Variants in KTN1 observed in about 807,000 individuals in gnomAD.
KTN1 encodes kinectin 1, also known as kinectin.
A neutral mutation model predicts 222.5 loss-of-function variants in KTN1; 130 were observed. The ratio of observed to expected loss-of-function variants is 0.58; its 90% CI spans 0.51 to 0.68. The LOEUF is 0.68. Ranked by LOEUF, KTN1 falls within the 30% of genes least tolerant of loss-of-function variation. The pLI is 0.00. For synonymous variants in KTN1, 512 were observed against 496.3 expected (o/e 1.03, Z -0.42); for missense variants, 1,508 against 1,500.4 (o/e 1.01, Z -0.08).
intron 1 of KTN1, among the ~76,000 whole-genome samples, chr14:55,601,600 A>AT (rs2035978071): frequency 6.6e-6 from 1 of 152,030 alleles, no homozygotes; most frequent in African/African-American, 2.4e-5. Context: ...TTCTCATTGA[A>AT]TTTTTTGTTT....
At position 55,673,205 on chromosome 14, in the gene KTN1, C is replaced by G. The variant is rs2045599221; in HGVS notation, c.3721C>G (p.Leu1241Val). ...TCTGTTGACTGAATTGCAGAAAAAA[C>G]TTGATGATTCATATTCTGAAGCAGT... The part of the protein sequence containing the change: ...KDLLTELQKK[L>V]DDSYSEAVRQ... Residue 1241 changes from leucine to valine, a missense_variant, in exon 40 of 44, where the codon CTT becomes GTT. Physicochemically the swap from Leu to Val is conservative, Grantham distance 32. Transcript: ENST00000395314. 6.2e-7 allele frequency: 1 copy of G among 1,613,124 alleles called. No individual in the cohort carries two copies. Among genetic ancestry groups the G allele is most frequent in the Non-Finnish European group, 8.5e-7 (1 of 1,179,402 alleles).
rs968710053 is a variant in KTN1 at position 55,604,815 on chromosome 14, A to G, written c.-30-7204A>G. Among the ~76,000 whole-genome samples the G allele has an allele frequency of 3.9e-5, 6 of 152,358 alleles. No homozygotes were observed. In the East Asian group the frequency reaches 9.6e-4, roughly 24 times the overall value. On this transcript the variant is annotated intron_variant, in intron 1 of 43. Transcript: ENST00000395314. Reference sequence around the variant, plus strand: ...GTTTTGAAGGATAGGTGGAGATTTCATACAAAGGACATGGCAAAGATTTTT... The same window carrying G: ...GTTTTGAAGGATAGGTGGAGATTTCGTACAAAGGACATGGCAAAGATTTTT...
At chr14:55,612,668 G>T in intron 2 of KTN1, 97 bp downstream of exon 2, 1 of 980,894 alleles carries the variant, frequency 1.0e-6, no homozygotes, top group Middle Eastern at 2.4e-4. Flanking sequence ...GTTTAATATT[G>T]AATTTGAAAC....
At position 55,594,498 on chromosome 14, in the gene KTN1, G is replaced by A. The variant is rs371396663; in HGVS notation, c.-31+14144G>A. 1.8e-4 allele frequency among the ~76,000 whole-genome samples: 21 copies of A among 113,892 alleles called. No individual in the cohort carries two copies. The East Asian group carries it at 2.7e-3, about 14-fold the overall frequency. The allele number at this position is 113,892 out of a possible 152,430, so 74.7% of individuals were successfully genotyped here. ...GCTGTTCCCACTCAAGCAGAGTAGA[G>A]TTTTTTTTTTTTTTTTTTCATTTTT... On this transcript the variant is annotated intron_variant, in intron 1 of 43. Transcript: ENST00000395314.
rs147618532 is a variant in KTN1, at chr14:55,640,386, A to G, written c.1927A>G (p.Met643Val). Residue 643 changes from methionine to valine, a missense_variant, in exon 15 of 44, where the codon ATG becomes GTG. Met to Val is a conservative substitution (Grantham distance 21, BLOSUM62 1). Transcript: ENST00000395314. ...TTCCTTGTTCTAGGATATACAGAATATGAATTTCTTATTAAAAGCTGAAGT... is the reference window on the plus strand; with the variant it reads ...TTCCTTGTTCTAGGATATACAGAATGTGAATTTCTTATTAAAAGCTGAAGT... ...KEEELKDIQN[M>V]NFLLKAEVQK... The G allele has an allele frequency of 1.6e-5, 26 of 1,598,466 alleles. No homozygotes were observed. In the African/African-American group the frequency reaches 2.7e-4, roughly 17 times the overall value.
chr14:55,658,792 A>C (rs2043785401), intron 30 of KTN1, among the ~76,000 whole-genome samples, 178 bp downstream of exon 30: 1 of 152,236 alleles, frequency 6.6e-6, no homozygotes, highest in Admixed American at 6.5e-5. Context: ...AAAGTAAAAC[A>C]AATCTATAAA....
intron 32 of KTN1, chr14:55,662,778 A>G (rs543171655): frequency 5.3e-6 from 2 of 374,992 alleles, no homozygotes; most frequent in Non-Finnish European, 1.1e-5. Context: ...AATTAGGTAC[A>G]TGAATTGCCA....
At chr14:55,615,798 C>T (rs1014612633) in intron 2 of KTN1, among the ~76,000 whole-genome samples, 3 of 151,090 alleles carry the variant, frequency 2.0e-5, no homozygotes, top group Non-Finnish European at 4.4e-5. Flanking sequence ...CCTTCCCTTC[C>T]CTTCCTTCTT....
chr14:55,660,978 T>G (rs756236538), intron 31 of KTN1, among the ~76,000 whole-genome samples: 1 of 152,146 alleles, frequency 6.6e-6, no homozygotes, highest in Non-Finnish European at 1.5e-5. Context: ...AATCAAATTA[T>G]GAATCTTTGC....
intron 41 of KTN1, among the ~76,000 whole-genome samples, chr14:55,677,189 A>G (rs1360609178): frequency 6.6e-6 from 1 of 152,170 alleles, no homozygotes; most frequent in East Asian, 1.9e-4. Flanking sequence ...AAAAAAGTTT[A>G]TAACGGCTGG....
At position 55,653,081 on chromosome 14, in the gene KTN1, A is replaced by G. The variant is rs2043109329; in HGVS notation, c.2759A>G (p.Lys920Arg). ...HVQEVAQHNL[K>R]EASSASQFEE... ...CAGGAAGTAGCACAACATAACTTGA[A>G]AGAGGTATAGTATAAACAAATTACC... Residue 920 changes from lysine (K) to arginine (R), a missense_variant, in exon 27 of 44, where the codon AAA becomes AGA. Physicochemically the swap from Lys to Arg is conservative, Grantham distance 26 (BLOSUM62 2). Coordinates refer to ENST00000395314, the MANE Select transcript of KTN1 (RefSeq NM_001079521.2). 1.9e-6 allele frequency: 3 copies of G among 1,578,570 alleles called. No homozygotes were observed. The highest frequency in any genetic ancestry group is 2.6e-6 in the Non-Finnish European group (3 of 1,149,016).
chr14:55,620,081 G>T (rs1334621387), intron 5 of KTN1, among the ~76,000 whole-genome samples: 1 of 152,138 alleles, frequency 6.6e-6, no homozygotes, highest in Non-Finnish European at 1.5e-5. Context: ...AAATAAAAGG[G>T]CTACAGGCCC....
Position 55,652,646 on chromosome 14 carries a change from G to A in KTN1, c.2604-204G>A, listed in dbSNP as rs113093986. 8.8e-4 allele frequency among the ~76,000 whole-genome samples: 134 copies of A among 152,196 alleles called. 1 individual carries two copies. The highest frequency in any genetic ancestry group is 3.4e-3 in the Admixed American group (52 of 15,280). On this transcript the variant is annotated intron_variant, in intron 25 of 43. Transcript: ENST00000395314. ...GATCTCCTGACCTTGTGATCCGCCCGCCTTGGCCTCCCAAAGTGTTGGGAT... is the reference window on the plus strand; with the variant it reads ...GATCTCCTGACCTTGTGATCCGCCCACCTTGGCCTCCCAAAGTGTTGGGAT...
In KTN1 at chr14:55,641,110, T is replaced by C. The variant is rs2041755104; in HGVS notation, c.2022-17T>C. Reference sequence around the variant, plus strand: ...TGAATGTATGAAGTATTTTAATTTTTTTTTTCACCCTCATAGTGTTTATGT... The same window carrying C: ...TGAATGTATGAAGTATTTTAATTTTCTTTTTCACCCTCATAGTGTTTATGT... On this transcript the variant is annotated splice_polypyrimidine_tract_variant and intron_variant, in intron 16 of 43. Transcript: ENST00000395314. The C allele has an allele frequency of 6.4e-7, 1 of 1,550,996 alleles. No individual in the cohort carries two copies. Among genetic ancestry groups the C allele is most frequent in the Non-Finnish European group, 8.8e-7 (1 of 1,138,246 alleles).
chr14:55,663,521 C>T (rs913228798), intron 32 of KTN1: 20 of 163,166 alleles, frequency 1.2e-4, no homozygotes, highest in Non-Finnish European at 2.7e-4. Flanking sequence ...AGAGAAAAAA[C>T]GTTACACTGC....
intron 1 of KTN1, among the ~76,000 whole-genome samples, chr14:55,610,088 T>G (rs374943387): frequency 6.6e-6 from 1 of 152,344 alleles, no homozygotes; most frequent in African/African-American, 2.4e-5. Context: ...CTTGTCTTAG[T>G]AAATCTAGGG....
chr14:55,664,901 A>T (rs1249033036), intron 33 of KTN1, among the ~76,000 whole-genome samples: 1 of 152,098 alleles, frequency 6.6e-6, no homozygotes, highest in African/African-American at 2.4e-5. Context: ...GCACTATGAA[A>T]ATATTTTGTG....
At chr14:55,580,469 G>T (rs1205653415) in intron 1 of KTN1, 115 bp downstream of exon 1, 1 of 146,786 alleles carries the variant, frequency 6.8e-6, no homozygotes, top group Non-Finnish European at 1.5e-5. Flanking sequence ...GCGGGGGGGC[G>T]CGGCCGCGGG....
chr14:55,671,221 A>T (rs1028528897), intron 35 of KTN1: 2 of 262,398 alleles, frequency 7.6e-6, no homozygotes, highest in Non-Finnish European at 1.4e-5. Flanking sequence ...GGGGGGATTT[A>T]TTATTATTGT....
Sources: gnomAD v4.1 joint callset for allele counts (sites outside exome capture counted in the v4.1 genomes callset) on GRCh38, gnomAD v4.1.1 for gene constraint, MANE v1.5 for transcripts, NCBI Gene and HGNC (gene_info 2026-07-23, HGNC 2026-07-21) for gene names.